Variants in OSBP2 observed in about 807,000 individuals in gnomAD.
The protein encoded by OSBP2 is oxysterol-binding protein 2.
OSBP2 carries 66 observed loss-of-function variants against 96.0 expected under a neutral mutation model. The observed-to-expected ratio is 0.69, with a 90% CI of 0.56 to 0.84. The LOEUF is 0.84. Among genes scored for constraint, OSBP2 ranks in the 40% least tolerant of loss-of-function variants. OSBP2 has a pLI of 0.00. For missense variants in OSBP2, 1,038 were observed against 1,222.7 expected, an observed-to-expected ratio of 0.85 and a Z score of 2.25; for synonymous variants, 525 against 520.9, an observed-to-expected ratio of 1.01 and a Z score of -0.11.
intron 2 of OSBP2, among the ~76,000 whole-genome samples, chr22:30,795,694 T>C (rs958225305): frequency 6.6e-6 from 1 of 152,094 alleles, no homozygotes; most frequent in Non-Finnish European, 1.5e-5. Flanking sequence ...TAATTTTGTA[T>C]TTTTAGTAGA....
At chr22:30,773,379 C>T (rs1399767972) in intron 2 of OSBP2, 1 of 152,524 alleles carries the variant, frequency 6.6e-6, no homozygotes, top group African/African-American at 2.4e-5. Context: ...CCTCCTGACT[C>T]CCCAGCCCAG....
chr22:30,840,878 A>G (rs1301485371), intron 2 of OSBP2, among the ~76,000 whole-genome samples: 1 of 152,022 alleles, frequency 6.6e-6, no homozygotes, highest in Non-Finnish European at 1.5e-5. Context: ...AAAGTGTACA[A>G]CGTGGGCTAG....
rs2039467300 is a variant in OSBP2 at position 30,871,908 on chromosome 22, C to T, written c.1107+1226C>T. Among the ~76,000 whole-genome samples, 1 of 152,254 alleles carries T rather than the reference C, an allele frequency of 6.6e-6. No individual in the cohort carries two copies. The highest frequency in any genetic ancestry group is 6.5e-5 in the Admixed American group (1 of 15,292). The stretch of plus-strand genomic sequence containing the variant: ...CCACCCACACCTGCCCAGATATGCT[C>T]AGGCTCAGGCCTGGAGCACCCAAAT... On this transcript the variant is annotated intron_variant, in intron 3 of 13. Transcript: ENST00000332585. This position sits in a 1 kb window ranked among gnomAD's most constrained non-coding sequence, Gnocchi z 4.7.
intron 2 of OSBP2, among the ~76,000 whole-genome samples, chr22:30,864,764 G>C (rs992119817): frequency 2.6e-4 from 40 of 152,098 alleles, no homozygotes; most frequent in African/African-American, 9.4e-4. Flanking sequence ...TGCAGTGAGC[G>C]GGGTGAGTGC....
intron 3 of OSBP2, 85 bp from the exon 4 acceptor site, chr22:30,887,341 G>A (rs2039834132): frequency 7.0e-6 from 8 of 1,145,352 alleles, no homozygotes; most frequent in Non-Finnish European, 1.0e-5. Flanking sequence ...CCTGTTTAAG[G>A]TGGAGTTGCT....
intron 1 of OSBP2, among the ~76,000 whole-genome samples, chr22:30,713,578 A>G (rs1173001534): frequency 2.0e-5 from 3 of 151,842 alleles, no homozygotes; most frequent in Non-Finnish European, 2.9e-5. Context: ...CTCCCACCTC[A>G]GCCTCCCAAG....
At chr22:30,713,225 C>A (rs2089386183) in intron 1 of OSBP2, among the ~76,000 whole-genome samples, 1 of 151,782 alleles carries the variant, frequency 6.6e-6, no homozygotes, top group African/African-American at 2.4e-5. Context: ...ACTACAGGCG[C>A]CCGCCACCAC....
At chr22:30,823,849 G>C (rs915621015) in intron 2 of OSBP2, among the ~76,000 whole-genome samples, 2 of 152,208 alleles carry the variant, frequency 1.3e-5, no homozygotes, top group African/African-American at 4.8e-5. Flanking sequence ...TTAGTTTCCA[G>C]TTTTTATTTT....
chr22:30,822,407 C>A, intron 2 of OSBP2: 1 of 852,096 alleles, frequency 1.2e-6, no homozygotes, highest in Non-Finnish European at 1.6e-6. Context: ...TAGGCAGCAC[C>A]GCCGCTCAGG....
At chr22:30,811,042 G>A (rs2090998746) in intron 2 of OSBP2, among the ~76,000 whole-genome samples, 2 of 151,980 alleles carry the variant, frequency 1.3e-5, no homozygotes, top group South Asian at 4.1e-4. Context: ...ATAAAATTTA[G>A]TCATCTTTCA....
At chr22:30,902,110 GA>G (rs60499517) in intron 12 of OSBP2, 22,039 of 202,950 alleles carry the variant, frequency 0.11, 738 homozygotes, top group African/African-American at 0.21. Context: ...AGCAATATAA[GA>G]AAAAAAAAAA....
intron 1 of OSBP2, among the ~76,000 whole-genome samples, chr22:30,719,673 G>A (rs956758043): frequency 6.6e-6 from 1 of 151,288 alleles, no homozygotes; most frequent in Non-Finnish European, 1.5e-5. Context: ...AGAATTGCTT[G>A]AACCAAGGAG....
At chr22:30,697,440 G>A (rs111895223) in intron 1 of OSBP2, among the ~76,000 whole-genome samples, 27 of 152,056 alleles carry the variant, frequency 1.8e-4, no homozygotes, top group Middle Eastern at 3.4e-3. Flanking sequence ...CACCACACAC[G>A]GTTAATTTTT....
intron 1 of OSBP2, among the ~76,000 whole-genome samples, chr22:30,716,036 CTTTCTTTCT>C (rs1289525949): frequency 3.5e-5 from 3 of 86,410 alleles, no homozygotes; most frequent in Non-Finnish European, 6.3e-5. Flanking sequence ...TTCTTTCTTT[CTTTCTTTCT>C]TTTTTTTTTT....
chr22:30,837,059 T>C (rs1267004566), intron 2 of OSBP2, among the ~76,000 whole-genome samples: 1 of 152,086 alleles, frequency 6.6e-6, no homozygotes, highest in Non-Finnish European at 1.5e-5. Flanking sequence ...AATACTAGCC[T>C]GGCCAACATG....
intron 3 of OSBP2, among the ~76,000 whole-genome samples, chr22:30,879,868 A>G (rs2039664330): frequency 6.6e-6 from 1 of 152,156 alleles, no homozygotes; most frequent in Non-Finnish European, 1.5e-5. Context: ...CCTGGCCAAC[A>G]TAGTGAAACC....
intron 1 of OSBP2, among the ~76,000 whole-genome samples, chr22:30,736,827 C>T (rs1315092648): frequency 6.6e-6 from 1 of 152,116 alleles, no homozygotes; most frequent in Non-Finnish European, 1.5e-5. Flanking sequence ...TTTTCTGTGT[C>T]CATAATTTCA....
At chr22:30,815,473 T>C (rs909456328) in intron 2 of OSBP2, among the ~76,000 whole-genome samples, 4 of 152,204 alleles carry the variant, frequency 2.6e-5, no homozygotes, top group Non-Finnish European at 5.9e-5. Context: ...ATTCAATTAA[T>C]TGAGTGTATT....
chr22:30,720,179 A>G (rs184140214), intron 1 of OSBP2, among the ~76,000 whole-genome samples: 1 of 152,302 alleles, frequency 6.6e-6, no homozygotes, highest in Non-Finnish European at 1.5e-5. Context: ...ACTGTGTATT[A>G]TCTGTTGCCG....
Sources: gnomAD v4.1 joint callset for allele counts (sites outside exome capture counted in the v4.1 genomes callset) on GRCh38, gnomAD v4.1.1 for gene constraint, Gnocchi (gnomAD v3.1) non-coding constraint, MANE v1.5 for transcripts, NCBI Gene and HGNC (gene_info 2026-07-23, HGNC 2026-07-21) for gene names.